MSRA: variants seen among roughly 807,000 people sequenced by gnomAD.
MSRA encodes the protein mitochondrial peptide methionine sulfoxide reductase.
A neutral mutation model predicts 31.3 loss-of-function variants in MSRA; 54 were observed. The observed-to-expected ratio is 1.73, with a 90% confidence interval of 1.39 to 2.17. The LOEUF (loss-of-function observed/expected upper bound fraction) is 2.17. Ranked by LOEUF, MSRA falls within the 30% of genes most tolerant of loss-of-function variation. The pLI, the probability that MSRA is intolerant of heterozygous loss-of-function variation, is 0.00. For missense variants in MSRA, 507 were observed against 300.9 expected (o/e 1.69, Z -5.07); for synonymous variants, 169 against 116.5 (o/e 1.45, Z -2.90).
intron 3 of MSRA, among the ~76,000 whole-genome samples, chr8:10,293,088 G>A (rs1444539575): frequency 1.3e-5 from 2 of 152,174 alleles, no homozygotes; most frequent in Non-Finnish European, 2.9e-5. Flanking sequence ...TCAGTAAAAT[G>A]GACATAGGAG....
At chr8:10,409,315 G>T (rs765159587) in intron 5 of MSRA, among the ~76,000 whole-genome samples, 4 of 152,196 alleles carry the variant, frequency 2.6e-5, no homozygotes, top group Non-Finnish European at 5.9e-5. Context: ...TTTCTCCGAT[G>T]ACTAGTGATG....
At chr8:10,397,597 A>G (rs570395875) in intron 5 of MSRA, among the ~76,000 whole-genome samples, 2 of 152,296 alleles carry the variant, frequency 1.3e-5, no homozygotes, top group African/African-American at 4.8e-5. Context: ...TTCATCCACG[A>G]CGGTAGCTAA....
intron 1 of MSRA, among the ~76,000 whole-genome samples, chr8:10,111,019 C>G (rs953838810): frequency 2.0e-5 from 3 of 152,124 alleles, no homozygotes; most frequent in Admixed American, 6.5e-5. Flanking sequence ...AAGTGTGGAA[C>G]CATTACTGAC....
chr8:10,076,789 G>A (rs991067585), intron 1 of MSRA, among the ~76,000 whole-genome samples: 40 of 152,026 alleles, frequency 2.6e-4, no homozygotes, highest in African/African-American at 9.4e-4. Flanking sequence ...ACCCAGCTCC[G>A]ATAGAGTGGG....
intron 5 of MSRA, among the ~76,000 whole-genome samples, chr8:10,339,690 T>C (rs1378531502): frequency 4.6e-5 from 7 of 151,948 alleles, no homozygotes; most frequent in African/African-American, 2.4e-5. Flanking sequence ...TACAGGTGCC[T>C]GCCACCACGC....
chr8:10,330,187 A>T (rs114438776), intron 5 of MSRA, among the ~76,000 whole-genome samples: 1,482 of 133,288 alleles, frequency 0.011, 23 homozygotes, highest in African/African-American at 0.039. Flanking sequence ...TAGGTTCATT[A>T]TAAGAATTAA....
At chr8:10,204,706 T>G (rs778174154) in intron 1 of MSRA, among the ~76,000 whole-genome samples, 3 of 152,372 alleles carry the variant, frequency 2.0e-5, no homozygotes, top group Non-Finnish European at 2.9e-5. Flanking sequence ...TGTTAAGTGA[T>G]GCATAACTGT....
intron 1 of MSRA, among the ~76,000 whole-genome samples, chr8:10,129,617 G>A (rs1045018810): frequency 6.6e-6 from 1 of 152,102 alleles, no homozygotes; most frequent in South Asian, 2.1e-4. Flanking sequence ...AGCACAGCAT[G>A]CATGGGTTGG....
chr8:10,168,311 A>T (rs929143384), intron 1 of MSRA, among the ~76,000 whole-genome samples: 4 of 152,220 alleles, frequency 2.6e-5, no homozygotes, highest in African/African-American at 9.6e-5. Flanking sequence ...CAGTCTTCTA[A>T]ACAGTATCTC....
intron 2 of MSRA, among the ~76,000 whole-genome samples, chr8:10,240,880 G>C (rs1812355564): frequency 6.6e-6 from 1 of 151,898 alleles, no homozygotes; most frequent in Non-Finnish European, 1.5e-5. Context: ...GCCCCCAGCT[G>C]GTTTTACAGG....
chr8:10,173,858 T>G (rs1805810696), intron 1 of MSRA, among the ~76,000 whole-genome samples: 1 of 152,174 alleles, frequency 6.6e-6, no homozygotes. Flanking sequence ...CAGGCAGCAT[T>G]TGTCTGCTGC....
In MSRA at chr8:10,123,482, T is replaced by A. The variant is rs193224397; in HGVS notation, c.142+68824T>A. Among the ~76,000 whole-genome samples the A allele has an allele frequency of 3.6e-3, 550 of 152,296 alleles. 6 individuals are homozygous for A. Among genetic ancestry groups the A allele is most frequent in the Admixed American group, 6.2e-3 (95 of 15,292 alleles). On this transcript the variant is annotated intron_variant, in intron 1 of 5. Transcript: ENST00000317173. ...TTCTGTAGGTTGTCTGTTTACTCTG[T>A]TGATAGTTTCTTTTGCTGTGCAGAA...
chr8:10,403,273 G>T (rs1807577293), intron 5 of MSRA, among the ~76,000 whole-genome samples: 1 of 152,192 alleles, frequency 6.6e-6, no homozygotes, highest in Admixed American at 6.5e-5. Flanking sequence ...GAAGCAAGGT[G>T]CCTCCCTGAG....
At chr8:10,324,920 G>C (rs915523381) in intron 5 of MSRA, among the ~76,000 whole-genome samples, 6 of 152,250 alleles carry the variant, frequency 3.9e-5, no homozygotes, top group African/African-American at 1.4e-4. Flanking sequence ...ACATGTGTGA[G>C]CTCAGGGTAC....
At chr8:10,095,544 G>C in intron 1 of MSRA, 1 of 985,662 alleles carries the variant, frequency 1.0e-6, no homozygotes, top group Non-Finnish European at 1.2e-6. Flanking sequence ...GCCATACTGG[G>C]AGCAAAAGAG....
At chr8:10,209,495 T>A (rs1809290047) in intron 2 of MSRA, among the ~76,000 whole-genome samples, 1 of 152,242 alleles carries the variant, frequency 6.6e-6, no homozygotes, top group Non-Finnish European at 1.5e-5. Flanking sequence ...TAACAGGGAA[T>A]GAGGCTCTGT....
At chr8:10,283,746 A>C (rs937892207) in intron 3 of MSRA, among the ~76,000 whole-genome samples, 9 of 144,410 alleles carry the variant, frequency 6.2e-5, no homozygotes, top group Admixed American at 2.1e-4. Flanking sequence ...AGTCTCATCC[A>C]GGTTGCTGTG....
intron 3 of MSRA, among the ~76,000 whole-genome samples, chr8:10,287,206 T>G (rs1363406468): frequency 6.6e-6 from 1 of 152,186 alleles, no homozygotes; most frequent in African/African-American, 2.4e-5. Flanking sequence ...AGCAATAATT[T>G]AGTAGTTACC....
chr8:10,300,907 C>T (rs1451102630), intron 3 of MSRA, among the ~76,000 whole-genome samples: 1 of 152,086 alleles, frequency 6.6e-6, no homozygotes, highest in Non-Finnish European at 1.5e-5. Context: ...TACAGAGGAT[C>T]CTGCAAGTAG....
Sources: allele counts gnomAD v4.1 joint callset (sites outside exome capture counted in the v4.1 genomes callset), GRCh38; gene constraint gnomAD v4.1.1; transcripts MANE v1.5; gene names NCBI Gene and HGNC (gene_info 2026-07-23, HGNC 2026-07-21).